The following VCAN variants were observed in gnomAD, a reference collection of about 807,000 sequenced individuals.
VCAN encodes the protein versican core protein.
Under a neutral mutation model 245.5 loss-of-function variants are expected in VCAN, and 44 were observed. That is an observed-to-expected ratio of 0.18 (90% CI 0.14 to 0.23). The LOEUF (loss-of-function observed/expected upper bound fraction) is 0.23, where lower values mean the gene tolerates loss of function less well. Among genes scored for constraint, VCAN ranks in the 10% least tolerant of loss-of-function variants. The pLI is 1.00. For synonymous variants in VCAN, 1,413 were observed against 1,437.0 expected (o/e 0.98, Z 0.38); for missense variants, 3,793 against 4,057.9 (o/e 0.93, Z 1.77).
chr5:83,535,133 A>G (rs965668069), intron 7 of VCAN, among the ~76,000 whole-genome samples: 4 of 152,120 alleles, frequency 2.6e-5, no homozygotes, highest in Non-Finnish European at 5.9e-5. Flanking sequence ...TTATGTTTTT[A>G]TAACACACTA....
rs148165926 is a variant in VCAN, at chr5:83,569,138, G to A, written c.9736-3278G>A. On this transcript the variant is annotated intron_variant, in intron 12 of 14. Transcript: ENST00000265077. Reference sequence around the variant, plus strand: ...TGTTTTCCCTTTACTGCTAATAAACGTAGTATTTCATATAAAATGTCATTC... The same window carrying A: ...TGTTTTCCCTTTACTGCTAATAAACATAGTATTTCATATAAAATGTCATTC... Among the ~76,000 whole-genome samples the A allele has an allele frequency of 3.9e-3, 600 of 152,120 alleles. 4 individuals carry two copies. The highest frequency in any genetic ancestry group is 6.5e-3 in the Non-Finnish European group (441 of 68,002).
In VCAN at chr5:83,581,461, T is replaced by C. The variant is rs566052891; in HGVS notation, c.*1027T>C. On this transcript the variant is annotated 3_prime_UTR_variant, in exon 15 of 15. Transcript: ENST00000265077. Reference sequence around the variant, plus strand: ...AGTAAGCCATACTGATTTAATTTATTGGATGTTATTTTCCCTAAGACCTGA... The same window carrying C: ...AGTAAGCCATACTGATTTAATTTATCGGATGTTATTTTCCCTAAGACCTGA... The C allele has an allele frequency of 1.3e-5, 2 of 152,278 alleles. No homozygotes were observed. Among genetic ancestry groups the C allele is most frequent in the South Asian group, 2.1e-4 (1 of 4,832 alleles). The allele number at this position is 152,278 out of a possible 1,614,324, so 9.4% of individuals were successfully genotyped here.
At chr5:83,532,999 T>A (rs1356822604) in intron 7 of VCAN, among the ~76,000 whole-genome samples, 1 of 152,132 alleles carries the variant, frequency 6.6e-6, no homozygotes, top group Non-Finnish European at 1.5e-5. Context: ...ATGGTATATA[T>A]GTTAATCTGC....
intron 5 of VCAN, among the ~76,000 whole-genome samples, chr5:83,495,102 T>A: frequency 6.6e-6 from 1 of 152,228 alleles, no homozygotes; most frequent in East Asian, 1.9e-4. Flanking sequence ...ATAATAGTGT[T>A]AAATTAAATT....
chr5:83,499,437 T>C (rs1200816857), intron 5 of VCAN, among the ~76,000 whole-genome samples: 1 of 152,182 alleles, frequency 6.6e-6, no homozygotes, highest in African/African-American at 2.4e-5. Flanking sequence ...TTTCCAACCT[T>C]TGTCTCTTCT....
At chr5:83,474,468 C>G (rs1032947801) in intron 1 of VCAN, among the ~76,000 whole-genome samples, 1 of 152,206 alleles carries the variant, frequency 6.6e-6, no homozygotes, top group Non-Finnish European at 1.5e-5. Context: ...ACTAGACAAG[C>G]GGAGGTGGTC....
chr5:83,472,685 C>G (rs562480707), intron 1 of VCAN, among the ~76,000 whole-genome samples: 111 of 152,250 alleles, frequency 7.3e-4, no homozygotes, highest in Non-Finnish European at 1.2e-3. Context: ...GTCTCTTTGA[C>G]GACTTGGGGA....
rs1441044751 is a variant in VCAN, at chr5:83,512,077, C to CT, written c.749-19dup. 3.7e-6 allele frequency: 6 copies of CT among 1,613,196 alleles called. No individual in the cohort carries two copies. The African/African-American group carries it at 5.3e-5, about 14-fold the overall frequency. On this transcript the variant is annotated intron_variant, in intron 5 of 14. Transcript: ENST00000265077. ...AAGGAATGAATAATAAAACTTTGGGCTTTTTTTCCCTTCTTTTTTTTCCAG... is the reference window on the plus strand; with the variant it reads ...AAGGAATGAATAATAAAACTTTGGGCTTTTTTTTCCCTTCTTTTTTTTCCAG...
chr5:83,478,857 G>A (rs1040255641), intron 1 of VCAN, among the ~76,000 whole-genome samples: 1 of 152,136 alleles, frequency 6.6e-6, no homozygotes, highest in Admixed American at 6.5e-5. Context: ...GGTAGAGAAA[G>A]GCAATTCCCA....
intron 12 of VCAN, among the ~76,000 whole-genome samples, chr5:83,569,170 G>A (rs961798723): frequency 6.6e-6 from 1 of 152,102 alleles, no homozygotes; most frequent in Non-Finnish European, 1.5e-5. Flanking sequence ...ATTCACATCT[G>A]TGATTATTTT....
chr5:83,476,685 G>T (rs33603), intron 1 of VCAN, among the ~76,000 whole-genome samples: 105,800 of 151,716 alleles, frequency 0.7, 36,998 homozygotes, highest in Middle Eastern at 0.81. Context: ...TGTGTGTGTG[G>T]GGGGTGCGTG....
intron 2 of VCAN, among the ~76,000 whole-genome samples, chr5:83,486,368 C>T (rs978866077): frequency 6.6e-6 from 1 of 152,098 alleles, no homozygotes; most frequent in Non-Finnish European, 1.5e-5. Context: ...TAAATAAATG[C>T]CACAGTGGAC....
intron 10 of VCAN, 58 bp downstream of exon 10, chr5:83,548,142 T>G: frequency 7.5e-7 from 1 of 1,326,918 alleles, no homozygotes; most frequent in Non-Finnish European, 1.1e-6. Flanking sequence ...TTAGCAATTT[T>G]GGCCTCAATG....
chr5:83,528,339 T>G (rs1281672623), intron 7 of VCAN, among the ~76,000 whole-genome samples: 1 of 152,144 alleles, frequency 6.6e-6, no homozygotes, highest in Non-Finnish European at 1.5e-5. Context: ...ATTAGCCAAT[T>G]GCTTCCCAAC....
chr5:83,488,574 G>A (rs911222165), intron 2 of VCAN, among the ~76,000 whole-genome samples: 5 of 152,162 alleles, frequency 3.3e-5, no homozygotes, highest in African/African-American at 1.2e-4. Flanking sequence ...TGTAAGCCAA[G>A]GAGGCCATTA....
chr5:83,537,594 C>A lies in VCAN; in HGVS notation c.4591C>A (p.His1531Asn). ...CACAGAGAGAGATACTGAAGTTGGT[C>A]ATCAGGCACATGAACATACTGAACC... ...SVTERDTEVG[H>N]QAHEHTEPVS... The change falls in exon 8 of 15, where the codon CAT (histidine) becomes AAT (asparagine). Residue 1531 changes from histidine (H) to asparagine (N), a missense_variant. By Grantham distance (68) the His-to-Asn change is moderately conservative. Coordinates refer to ENST00000265077, the MANE Select transcript of VCAN (RefSeq NM_004385.5). 6.2e-7 allele frequency: 1 copy of A among 1,613,710 alleles called. No individual in the cohort carries two copies.
chr5:83,501,419 G>T (rs984311179), intron 5 of VCAN, among the ~76,000 whole-genome samples: 1 of 152,132 alleles, frequency 6.6e-6, no homozygotes, highest in Non-Finnish European at 1.5e-5. Context: ...TAGTCTAAGA[G>T]ATTTATAAGT....
chr5:83,556,074 T>G (rs1011215167), intron 12 of VCAN, among the ~76,000 whole-genome samples: 2 of 152,210 alleles, frequency 1.3e-5, no homozygotes, highest in Non-Finnish European at 2.9e-5. Context: ...GAAGTTCTGC[T>G]CTGTCTTAAG....
At chr5:83,523,890 A>G (rs1431560611) in intron 7 of VCAN, among the ~76,000 whole-genome samples, 2 of 152,154 alleles carry the variant, frequency 1.3e-5, no homozygotes, top group African/African-American at 2.4e-5. Context: ...ACAGGAATAT[A>G]ACGGTGAAAG....
Sources: allele counts gnomAD v4.1 joint callset (sites outside exome capture counted in the v4.1 genomes callset), GRCh38; gene constraint gnomAD v4.1.1; transcripts MANE v1.5; gene names NCBI Gene and HGNC (gene_info 2026-07-23, HGNC 2026-07-21).